Variants in PARD3 observed in about 807,000 individuals in gnomAD.
PARD3 encodes the protein par-3 family cell polarity regulator.
PARD3 carries 75 observed loss-of-function variants against 155.4 expected under a neutral mutation model. The ratio of observed to expected loss-of-function variants is 0.48; its 90% CI spans 0.40 to 0.58. PARD3 has a LOEUF of 0.58. Ranked by LOEUF, PARD3 falls within the 20% of genes least tolerant of loss-of-function variation. The pLI, the probability that PARD3 is intolerant of heterozygous loss-of-function variation, is 0.00. For missense variants in PARD3, 1,642 were observed against 1,721.7 expected (o/e 0.95, Z 0.82); for synonymous variants, 576 against 610.5 (o/e 0.94, Z 0.83).
At chr10:34,443,512 GGGA>G (rs2076578462) in intron 5 of PARD3, among the ~76,000 whole-genome samples, 1 of 152,192 alleles carries the variant, frequency 6.6e-6, no homozygotes, top group Non-Finnish European at 1.5e-5. Flanking sequence ...GTGGAAGGCA[GGGA>G]GGAGAAAGTC....
chr10:34,358,392 T>TAC (rs1174278326), intron 14 of PARD3, among the ~76,000 whole-genome samples: 1 of 152,086 alleles, frequency 6.6e-6, no homozygotes, highest in Non-Finnish European at 1.5e-5. Context: ...AAGCAGAGTA[T>TAC]AATACAATAC....
intron 22 of PARD3, among the ~76,000 whole-genome samples, chr10:34,132,151 C>T (rs190403008): frequency 1.3e-5 from 2 of 152,104 alleles, no homozygotes; most frequent in African/African-American, 4.8e-5. Flanking sequence ...AAATAAAATG[C>T]AATTCTCACA....
At chr10:34,436,508 T>C (rs2076195348) in intron 5 of PARD3, among the ~76,000 whole-genome samples, 1 of 152,218 alleles carries the variant, frequency 6.6e-6, no homozygotes, top group South Asian at 2.1e-4. Flanking sequence ...TGCAACATGG[T>C]ACGATGTCTA....
chr10:34,397,334 A>C (rs761727288), intron 7 of PARD3, among the ~76,000 whole-genome samples: 1 of 152,210 alleles, frequency 6.6e-6, no homozygotes, highest in Non-Finnish European at 1.5e-5. Flanking sequence ...GGGAATCACA[A>C]ACTATTTCTG....
intron 22 of PARD3, among the ~76,000 whole-genome samples, chr10:34,195,738 C>T (rs1036451226): frequency 6.6e-6 from 1 of 152,146 alleles, no homozygotes; most frequent in Non-Finnish European, 1.5e-5. Flanking sequence ...TGGATGGGCA[C>T]AAACATCCCA....
intron 20 of PARD3, among the ~76,000 whole-genome samples, chr10:34,307,000 C>T (rs540574826): frequency 1.2e-3 from 176 of 152,136 alleles, no homozygotes; most frequent in Non-Finnish European, 1.9e-3. Context: ...CATTCTCCTG[C>T]CTCAGCCTCC....
chr10:34,468,452 A>G (rs2078144770), intron 4 of PARD3, among the ~76,000 whole-genome samples: 2 of 152,224 alleles, frequency 1.3e-5, no homozygotes, highest in South Asian at 4.1e-4. Context: ...TGACTTGTTT[A>G]CACATTTGTG....
At chr10:34,280,692 A>G (rs1381513222) in intron 21 of PARD3, among the ~76,000 whole-genome samples, 1 of 152,166 alleles carries the variant, frequency 6.6e-6, no homozygotes, top group Non-Finnish European at 1.5e-5. Flanking sequence ...ACACCGCTGA[A>G]CCAGGAGTCA....
intron 2 of PARD3, among the ~76,000 whole-genome samples, chr10:34,616,984 G>A (rs950399882): frequency 4.6e-5 from 7 of 151,446 alleles, no homozygotes; most frequent in Non-Finnish European, 8.8e-5. Context: ...GGCCGGGGGC[G>A]GTGGCTCACA....
At chr10:34,273,612 T>C (rs1955737811) in intron 21 of PARD3, among the ~76,000 whole-genome samples, 1 of 152,224 alleles carries the variant, frequency 6.6e-6, no homozygotes, top group Non-Finnish European at 1.5e-5. Flanking sequence ...CTGGTTTTGA[T>C]GCTGTACTAC....
chr10:34,807,043 G>A (rs1412847135), intron 1 of PARD3, among the ~76,000 whole-genome samples: 3 of 152,224 alleles, frequency 2.0e-5, no homozygotes, highest in Non-Finnish European at 4.4e-5. Context: ...ACTGCACAAA[G>A]GTAGCTGGCG....
At chr10:34,276,371 C>T (rs944919941) in intron 21 of PARD3, among the ~76,000 whole-genome samples, 1 of 152,066 alleles carries the variant, frequency 6.6e-6, no homozygotes, top group Non-Finnish European at 1.5e-5. Flanking sequence ...CCTGCTGTCA[C>T]TAAATTCATG....
intron 13 of PARD3, 46 bp downstream of exon 13, chr10:34,360,025 T>A: frequency 6.8e-7 from 1 of 1,468,344 alleles, no homozygotes; most frequent in South Asian, 1.2e-5. Flanking sequence ...GGGTTGAAAT[T>A]AAAATTTTTG....
chr10:34,391,792 A>C (rs1448912920), intron 7 of PARD3, among the ~76,000 whole-genome samples: 3 of 152,282 alleles, frequency 2.0e-5, no homozygotes, highest in Non-Finnish European at 4.4e-5. Flanking sequence ...GCAAATAATA[A>C]TACTTATGAA....
At chr10:34,223,387 A>G (rs1269932391) in intron 22 of PARD3, among the ~76,000 whole-genome samples, 1 of 152,234 alleles carries the variant, frequency 6.6e-6, no homozygotes, top group Non-Finnish European at 1.5e-5. Flanking sequence ...GATCGAAAAC[A>G]AACTATCCCA....
At position 34,230,402 on chromosome 10, in the gene PARD3, G is replaced by T. The variant is rs1293454300; in HGVS notation, c.3419+39255C>A. 3.9e-5 allele frequency among the ~76,000 whole-genome samples: 6 copies of T among 152,012 alleles called. 1 individual carries two copies. Among genetic ancestry groups the T allele is most frequent in the African/African-American group, 1.2e-4 (5 of 41,322 alleles). ...CAGATTCCGTTCTAAACTCACACTGGTAAAGTTAAGTATTTTGTCTATATT... is the reference window on the plus strand; with the variant it reads ...CAGATTCCGTTCTAAACTCACACTGTTAAAGTTAAGTATTTTGTCTATATT... On this transcript the variant is annotated intron_variant, in intron 22 of 24. Transcript: ENST00000374788.
chr10:34,540,557 A>G (rs2083537888), intron 2 of PARD3, among the ~76,000 whole-genome samples: 1 of 152,162 alleles, frequency 6.6e-6, no homozygotes, highest in African/African-American at 2.4e-5. Context: ...GGCCCGGGAG[A>G]CAGGAGACCA....
intron 3 of PARD3, among the ~76,000 whole-genome samples, chr10:34,496,885 C>T (rs1270062493): frequency 9.8e-6 from 1 of 101,722 alleles, no homozygotes; most frequent in East Asian, 2.4e-4. Flanking sequence ...CTATTTTTAA[C>T]GTTTAAAAAT....
chr10:34,152,237 A>G (rs752597367), intron 22 of PARD3, among the ~76,000 whole-genome samples: 42 of 152,202 alleles, frequency 2.8e-4, no homozygotes, highest in Non-Finnish European at 4.7e-4. Context: ...TTAGAACTAC[A>G]GTCTTGCATT....
Sources: allele counts gnomAD v4.1 joint callset (sites outside exome capture counted in the v4.1 genomes callset), GRCh38; gene constraint gnomAD v4.1.1; transcripts MANE v1.5; gene names NCBI Gene and HGNC (gene_info 2026-07-23, HGNC 2026-07-21).